The following RBP2 variants were observed in gnomAD, a reference collection of about 807,000 sequenced individuals.
RBP2 encodes the protein retinol binding protein 2, also known as retinol-binding protein 2.
A neutral mutation model predicts 17.0 loss-of-function variants in RBP2; 17 were observed. The ratio of observed to expected loss-of-function variants is 1.00; its 90% confidence interval spans 0.68 to 1.50. The LOEUF is 1.50. Ranked by LOEUF, RBP2 falls within the 40% of genes most tolerant of loss-of-function variation. The pLI is 0.00. For missense variants in RBP2, 158 were observed against 168.2 expected (o/e 0.94, Z 0.33); for synonymous variants, 48 against 57.1 (o/e 0.84, Z 0.72).
chr3:139,462,056 A>G, intron 2 of RBP2, 56 bp downstream of exon 2: 2 of 1,555,828 alleles, frequency 1.3e-6, no homozygotes, highest in Non-Finnish European at 1.7e-6. Flanking sequence ...ATGATACCAA[A>G]TAGCCAGCCC....
At chr3:139,465,298 C>T (rs963603575) in intron 1 of RBP2, among the ~76,000 whole-genome samples, 3 of 152,146 alleles carry the variant, frequency 2.0e-5, no homozygotes, top group African/African-American at 7.2e-5. Flanking sequence ...AATTAAGACA[C>T]GCTTTGTGTC....
At chr3:139,462,017 A>G in intron 2 of RBP2, 95 bp downstream of exon 2, 1 of 1,348,956 alleles carries the variant, frequency 7.4e-7, no homozygotes, top group Non-Finnish European at 1.0e-6. Context: ...GATTTTTCCC[A>G]GGTTGTTTCT....
At chr3:139,474,981 T>G (rs558404212) in intron 1 of RBP2, among the ~76,000 whole-genome samples, 1 of 152,232 alleles carries the variant, frequency 6.6e-6, no homozygotes, top group East Asian at 1.9e-4. Flanking sequence ...AAAATCCTGC[T>G]AACCAGAATG....
chr3:139,472,275 G>C (rs1933593800), intron 1 of RBP2, among the ~76,000 whole-genome samples: 1 of 152,158 alleles, frequency 6.6e-6, no homozygotes, highest in African/African-American at 2.4e-5. Flanking sequence ...ATCTCAACTG[G>C]CCCATCTGTG....
At chr3:139,462,962 T>C (rs1175040906) in intron 1 of RBP2, among the ~76,000 whole-genome samples, 4 of 152,100 alleles carry the variant, frequency 2.6e-5, no homozygotes, top group Non-Finnish European at 5.9e-5. Flanking sequence ...GCCTCCCAAG[T>C]AGCTGGGACA....
At chr3:139,474,085 A>G (rs1933649783) in intron 1 of RBP2, among the ~76,000 whole-genome samples, 1 of 152,232 alleles carries the variant, frequency 6.6e-6, no homozygotes. Context: ...AATCAATGTA[A>G]TGTGATATTA....
chr3:139,465,927 C>T (rs887851145), intron 1 of RBP2, among the ~76,000 whole-genome samples: 11 of 152,074 alleles, frequency 7.2e-5, no homozygotes, highest in African/African-American at 2.4e-4. Context: ...TGGGGAGAGA[C>T]GAACGGTCTC....
intron 1 of RBP2, among the ~76,000 whole-genome samples, chr3:139,467,412 T>G (rs1576426111): frequency 1.3e-5 from 2 of 152,174 alleles, no homozygotes; most frequent in East Asian, 3.9e-4. Context: ...AGGCTCTGCT[T>G]GTCCTTACAA....
chr3:139,461,739 C>T (rs1434051661), intron 2 of RBP2, among the ~76,000 whole-genome samples: 1 of 152,220 alleles, frequency 6.6e-6, no homozygotes, highest in African/African-American at 2.4e-5. Context: ...TCCTCCATGG[C>T]AGTGCTTGGC....
At chr3:139,454,867 G>A in intron 2 of RBP2, 37 bp from the exon 3 acceptor site, 1 of 1,583,666 alleles carries the variant, frequency 6.3e-7, no homozygotes, top group Non-Finnish European at 8.7e-7. Context: ...CAAACACATG[G>A]TCTTGAGGGA....
Position 139,453,070 on chromosome 3 carries a change from T to C in RBP2, c.*46A>G. 1 of 1,609,930 alleles carries C rather than the reference T, an allele frequency of 6.2e-7. No homozygotes were observed. Among genetic ancestry groups the C allele is most frequent in the South Asian group, 1.1e-5 (1 of 90,998 alleles). ...TTCTCAAAGCCAGTAGACCACTCAG[T>C]GTGGGCAGTGGGGAGCTTGTGCTTG... On this transcript the variant is annotated 3_prime_UTR_variant, in exon 4 of 4. Coordinates refer to ENST00000232217, the MANE Select transcript of RBP2 (RefSeq NM_004164.3).
At chr3:139,456,936 G>A (rs985056126) in intron 2 of RBP2, among the ~76,000 whole-genome samples, 7 of 152,098 alleles carry the variant, frequency 4.6e-5, no homozygotes, top group African/African-American at 1.7e-4. Flanking sequence ...ATAATAATTT[G>A]CTCTTTCTTA....
At chr3:139,453,552 C>T (rs532210603) in intron 3 of RBP2, among the ~76,000 whole-genome samples, 1 of 152,320 alleles carries the variant, frequency 6.6e-6, no homozygotes, top group Non-Finnish European at 1.5e-5. Context: ...AGTGAGCTGC[C>T]CCTCCACCCT....
intron 3 of RBP2, among the ~76,000 whole-genome samples, chr3:139,454,273 A>G (rs72986799): frequency 0.27 from 41,565 of 152,062 alleles, 9,575 homozygotes; most frequent in African/African-American, 0.64. Flanking sequence ...TTGGGGTCAG[A>G]AGGACATACC....
At chr3:139,468,919 A>C (rs1933454145) in intron 1 of RBP2, among the ~76,000 whole-genome samples, 1 of 152,222 alleles carries the variant, frequency 6.6e-6, no homozygotes, top group Non-Finnish European at 1.5e-5. Context: ...GAAGGAAAAA[A>C]AACAACACGG....
At position 139,453,169 on chromosome 3, in the gene RBP2, G is replaced by T; in HGVS notation, c.355-3C>A. On this transcript the variant is annotated splice_polypyrimidine_tract_variant and splice_region_variant and intron_variant, in intron 3 of 3. Transcript: ENST00000232217. ...ACCTGGTCACCACAGGTCAGCTCCT[G>T]CAACGTCAGAAAGTGGGTGAGGGTC... The T allele has an allele frequency of 6.2e-7, 1 of 1,614,138 alleles. No homozygotes were observed. The highest frequency in any genetic ancestry group is 1.7e-5 in the Admixed American group (1 of 60,026).
chr3:139,469,707 A>G (rs919909855), intron 1 of RBP2, among the ~76,000 whole-genome samples: 48 of 151,388 alleles, frequency 3.2e-4, no homozygotes, highest in Non-Finnish European at 6.8e-4. Context: ...CTATCTATCT[A>G]TCTATCTATC....
chr3:139,461,840 T>C (rs541972841), intron 2 of RBP2, among the ~76,000 whole-genome samples: 1 of 152,280 alleles, frequency 6.6e-6, no homozygotes, highest in East Asian at 1.9e-4. Flanking sequence ...CACCTTGCCC[T>C]CTTCCCTCTG....
At chr3:139,465,079 C>G (rs1294577830) in intron 1 of RBP2, among the ~76,000 whole-genome samples, 1 of 152,174 alleles carries the variant, frequency 6.6e-6, no homozygotes, top group Non-Finnish European at 1.5e-5. Flanking sequence ...ATGGCTGATA[C>G]AGCAATTGTA....
Sources: allele counts gnomAD v4.1 joint callset (sites outside exome capture counted in the v4.1 genomes callset), GRCh38; gene constraint gnomAD v4.1.1; transcripts MANE v1.5; gene names NCBI Gene and HGNC (gene_info 2026-07-23, HGNC 2026-07-21).